Variants in CAST observed in about 807,000 individuals in gnomAD.
CAST encodes the protein calpastatin.
CAST carries 76 observed loss-of-function variants against 119.6 expected under a neutral mutation model. The observed-to-expected ratio is 0.64, with a 90% CI of 0.53 to 0.77. The LOEUF (loss-of-function observed/expected upper bound fraction) is 0.77, where lower values mean the gene tolerates loss of function less well. CAST is among the 30% of genes least tolerant of loss of function. CAST has a pLI of 0.00. For missense variants in CAST, 953 were observed against 946.5 expected (o/e 1.01, Z -0.09); for synonymous variants, 319 against 331.6 (o/e 0.96, Z 0.41).
the CAST span, among the ~76,000 whole-genome samples, chr5:96,258,075 T>C: frequency 1.3e-5 from 2 of 152,160 alleles, no homozygotes; most frequent in African/African-American, 4.8e-5. Context: ...ACCTCATTTT[T>C]TTGAAAAAAA....
Position 96,750,620 on chromosome 5 carries a change from G to A in CAST, c.1462G>A (p.Glu488Lys). ...GGCCGCTGCTCCAGCTCCTGTGTCGGAGGCTGTGTGTCGGACCTCCATGTG... is the reference window on the plus strand; with the variant it reads ...GGCCGCTGCTCCAGCTCCTGTGTCGAAGGCTGTGTGTCGGACCTCCATGTG... The part of the protein sequence containing the change: ...SKAAAPAPVS[E>K]AVCRTSMCSI... The change falls in exon 20 of 32, where the codon GAG (glutamate) becomes AAG (lysine). Residue 488 changes from glutamate (E) to lysine (K), a missense_variant. Transcript: ENST00000675179. The A allele has an allele frequency of 6.2e-7, 1 of 1,613,316 alleles. No homozygotes were observed. The highest frequency in any genetic ancestry group is 8.5e-7 in the Non-Finnish European group (1 of 1,179,504).
chr5:96,357,214 G>A, the CAST span, among the ~76,000 whole-genome samples: 1 of 152,204 alleles, frequency 6.6e-6, no homozygotes, highest in African/African-American at 2.4e-5. Flanking sequence ...TTGCTTATCA[G>A]CGTAAGGAGA....
intron 29 of CAST, chr5:96,769,487 T>C (rs987412773): frequency 2.6e-5 from 4 of 152,018 alleles, no homozygotes; most frequent in African/African-American, 9.7e-5. Context: ...TTGTGTATAT[T>C]TGAGGTTTAC....
chr5:96,697,482 C>T (rs1241393468), intron 3 of CAST, among the ~76,000 whole-genome samples: 2 of 152,128 alleles, frequency 1.3e-5, no homozygotes, highest in Non-Finnish European at 2.9e-5. Context: ...CTTTAAGACC[C>T]GTGCCTTTTA....
At chr5:96,512,251 T>C in the CAST span, among the ~76,000 whole-genome samples, 1 of 152,230 alleles carries the variant, frequency 6.6e-6, no homozygotes, top group African/African-American at 2.4e-5. Context: ...CTGTTACCAA[T>C]GCATGCCTAG....
chr5:95,968,423 C>T, the CAST span, among the ~76,000 whole-genome samples: 2 of 152,162 alleles, frequency 1.3e-5, no homozygotes, highest in African/African-American at 4.8e-5. Context: ...TTTGAAAAAG[C>T]TCAGATTATG....
chr5:96,497,188 A>T, the CAST span, among the ~76,000 whole-genome samples: 6 of 151,860 alleles, frequency 4.0e-5, no homozygotes, highest in South Asian at 1.3e-3. Context: ...AAGGACATGA[A>T]CTCATCCTTT....
At chr5:96,368,241 T>A in the CAST span, among the ~76,000 whole-genome samples, 1 of 152,058 alleles carries the variant, frequency 6.6e-6, no homozygotes, top group Non-Finnish European at 1.5e-5. Context: ...AGCTCACTCC[T>A]GTAATACCAG....
chr5:96,591,788 T>C lies in CAST; in HGVS notation c.60+61908T>C, dbSNP rs1746966030. The stretch of plus-strand genomic sequence containing the variant: ...AAATAAGTCATTGGTGGAGGACATT[T>C]AGCAAAGCACATTGGAGAAAAGCAG... On this transcript the variant is annotated intron_variant, in intron 1 of 11. Coordinates refer to the CAST transcript ENST00000505143. Among the ~76,000 whole-genome samples, 3 of 152,224 alleles carry C rather than the reference T, an allele frequency of 2.0e-5. No homozygotes were observed. The South Asian group carries it at 6.2e-4, about 31-fold the overall frequency.
the CAST span, among the ~76,000 whole-genome samples, chr5:95,971,586 A>C: frequency 2.0e-5 from 3 of 152,308 alleles, no homozygotes; most frequent in East Asian, 5.8e-4. Flanking sequence ...TTGAAAATAC[A>C]TTGTCCCTTT....
chr5:96,455,063 A>T, the CAST span, among the ~76,000 whole-genome samples: 3 of 152,252 alleles, frequency 2.0e-5, no homozygotes, highest in African/African-American at 4.8e-5. Flanking sequence ...AAGGTATTTT[A>T]AAAATAATAA....
At chr5:96,394,941 G>A in the CAST span, 4 of 1,613,824 alleles carry the variant, frequency 2.5e-6, no homozygotes, top group Non-Finnish European at 3.4e-6. Context: ...ACACGAGGCT[G>A]CTTCATATGC....
At chr5:96,705,175 G>T (rs1428152952) in intron 3 of CAST, among the ~76,000 whole-genome samples, 1 of 152,050 alleles carries the variant, frequency 6.6e-6, no homozygotes, top group Non-Finnish European at 1.5e-5. Flanking sequence ...TAAAAATTAG[G>T]GCATGGTGGC....
At chr5:96,122,089 C>T in the CAST span, among the ~76,000 whole-genome samples, 2 of 151,980 alleles carry the variant, frequency 1.3e-5, no homozygotes, top group African/African-American at 4.8e-5. Context: ...GCTATTTCAG[C>T]GATTAGTGAG....
chr5:96,461,321 C>T, the CAST span, among the ~76,000 whole-genome samples: 1 of 152,092 alleles, frequency 6.6e-6, no homozygotes, highest in Non-Finnish European at 1.5e-5. Flanking sequence ...CTACTATGAA[C>T]ATGTGTAGAC....
chr5:96,241,996 T>G, the CAST span, among the ~76,000 whole-genome samples: 5 of 143,062 alleles, frequency 3.5e-5, no homozygotes, highest in African/African-American at 5.2e-5. Flanking sequence ...TGCGAAAATT[T>G]TCTCCCATTT....
intron 2 of CAST, chr5:96,679,486 T>C (rs534882612): frequency 6.6e-6 from 1 of 152,332 alleles, no homozygotes; most frequent in South Asian, 2.1e-4. Flanking sequence ...AGGATGAAAC[T>C]GACACATCCG....
chr5:96,154,640 A>G, the CAST span, among the ~76,000 whole-genome samples: 1 of 152,196 alleles, frequency 6.6e-6, no homozygotes, highest in Admixed American at 6.5e-5. Flanking sequence ...GCATCCCCAT[A>G]GATTCCTATT....
the CAST span, among the ~76,000 whole-genome samples, chr5:96,319,585 T>A: frequency 6.8e-3 from 1,034 of 152,296 alleles, 4 homozygotes; most frequent in Non-Finnish European, 0.011. Context: ...TTCACAGGCG[T>A]GCTCTGTGTA....
Sources: gnomAD v4.1 joint callset for allele counts (sites outside exome capture counted in the v4.1 genomes callset) on GRCh38, gnomAD v4.1.1 for gene constraint, MANE v1.5 for transcripts, NCBI Gene and HGNC (gene_info 2026-07-23, HGNC 2026-07-21) for gene names.